Variants in IL6ST observed in about 807,000 individuals in gnomAD.
IL6ST encodes interleukin 6 cytokine family signal transducer, also known as interleukin-6 receptor subunit beta.
IL6ST carries 24 observed loss-of-function variants against 91.3 expected under a neutral mutation model. The observed-to-expected ratio is 0.26, with a 90% confidence interval of 0.19 to 0.37. The LOEUF is 0.37. Among genes scored for constraint, IL6ST ranks in the 10% least tolerant of loss-of-function variants. The pLI, the probability that IL6ST is intolerant of heterozygous loss-of-function variation, is 1.00. For synonymous variants in IL6ST, 351 were observed against 373.6 expected (o/e 0.94, Z 0.70); for missense variants, 914 against 1,078.5 (o/e 0.85, Z 2.14).
chr5:55,945,039 TCAA>T (rs1751156598), intron 15 of IL6ST, among the ~76,000 whole-genome samples: 1 of 67,814 alleles, frequency 1.5e-5, no homozygotes, highest in African/African-American at 1.1e-4. Context: ...AGGAATTAAA[TCAA>T]AAAAAAAAAA....
At position 55,972,679 on chromosome 5, in the gene IL6ST, A is replaced by G. The variant is rs192741163; in HGVS notation, c.65-2824T>C. 4.1e-3 allele frequency among the ~76,000 whole-genome samples: 622 copies of G among 152,228 alleles called. 4 individuals are homozygous for G. The highest frequency in any genetic ancestry group is 0.014 in the Middle Eastern group (4 of 294). ...TCTGATAAAGTTATTTTGAATGTTT[A>G]TAGGGCAAGATGAAGAAATGTGAAT... On this transcript the variant is annotated intron_variant, in intron 3 of 16. Transcript: ENST00000381298.
At chr5:55,943,971 G>A (rs544317366) in intron 15 of IL6ST, among the ~76,000 whole-genome samples, 1 of 152,194 alleles carries the variant, frequency 6.6e-6, no homozygotes, top group South Asian at 2.1e-4. Flanking sequence ...CCAGCTACTC[G>A]GGTGGCTGAG....
chr5:55,960,322 GAGGCTATATTATTAAAA>G, intron 8 of IL6ST, 63 bp downstream of exon 8: 1 of 1,048,898 alleles, frequency 9.5e-7, no homozygotes, highest in Non-Finnish European at 1.4e-6. Context: ...AAGAAGCAAT[GAGGCTATATTATTAAAA>G]CCAGAACCAG....
At chr5:55,970,418 G>A (rs1752894925) in intron 3 of IL6ST, among the ~76,000 whole-genome samples, 1 of 152,194 alleles carries the variant, frequency 6.6e-6, no homozygotes, top group African/African-American at 2.4e-5. Flanking sequence ...GGGTATGATG[G>A]TTTGCGTCTA....
In IL6ST at chr5:55,941,351, G is replaced by A; in HGVS notation, c.2488C>T (p.His830Tyr). 6.2e-7 allele frequency: 1 copy of A among 1,614,124 alleles called. No individual in the cohort carries two copies. The highest frequency in any genetic ancestry group is 8.5e-7 in the Non-Finnish European group (1 of 1,180,016). The change falls in exon 17 of 17, where the codon CAT becomes TAT. Residue 830 changes from histidine to tyrosine, a missense_variant. Transcript: ENST00000381298. Reference sequence around the variant, plus strand: ...GAAACTTGCTTTGACCTTTCAAAATGTGAAATATCTGGACTGGATTCATGC... The same window carrying A: ...GAAACTTGCTTTGACCTTTCAAAATATGAAATATCTGGACTGGATTCATGC... The part of the protein sequence containing the change: ...SQHESSPDIS[H>Y]FERSKQVSSV...
intron 1 of IL6ST, among the ~76,000 whole-genome samples, chr5:55,984,845 G>C (rs1439034768): frequency 6.6e-6 from 1 of 152,108 alleles, no homozygotes; most frequent in East Asian, 1.9e-4. Flanking sequence ...TCAGGTAAGG[G>C]ATACTGTAAC....
intron 6 of IL6ST, among the ~76,000 whole-genome samples, 199 bp from the exon 7 acceptor site, chr5:55,963,705 T>C (rs1434146342): frequency 1.3e-5 from 2 of 152,160 alleles, no homozygotes; most frequent in Non-Finnish European, 2.9e-5. Context: ...CAGTTCTCCT[T>C]GTTAATTTAC....
chr5:55,960,047 G>A (rs573726116), intron 8 of IL6ST, among the ~76,000 whole-genome samples: 4 of 151,926 alleles, frequency 2.6e-5, no homozygotes, highest in East Asian at 3.9e-4. Flanking sequence ...CACCACGCCC[G>A]GCTAATTTTT....
chr5:55,994,610 T>G (rs1377326648), intron 1 of IL6ST, among the ~76,000 whole-genome samples, 174 bp downstream of exon 1: 2 of 151,886 alleles, frequency 1.3e-5, no homozygotes, highest in Non-Finnish European at 2.9e-5. Context: ...GAAGTAGAAT[T>G]CGGAGGTCCG....
chr5:55,953,398 A>G (rs867066032), intron 11 of IL6ST, among the ~76,000 whole-genome samples: 2 of 151,918 alleles, frequency 1.3e-5, no homozygotes, highest in South Asian at 2.1e-4. Context: ...GCTAGCTTCT[A>G]TTTTTTTTGA....
At chr5:55,967,172 T>C (rs1752678040) in intron 5 of IL6ST, among the ~76,000 whole-genome samples, 1 of 151,306 alleles carries the variant, frequency 6.6e-6, no homozygotes, top group Non-Finnish European at 1.5e-5. Context: ...TAGCTGGGCA[T>C]GGTGGCACAT....
At position 55,941,108 on chromosome 5, in the gene IL6ST, G is replaced by A. The variant is rs1266664090; in HGVS notation, c.2731C>T (p.Arg911Trp). ...CACTGAGGCATGTAGCCGCCTTGCC[G>A]TACAGTCTGTGGTAAGTAACTTTTA... ...MPKSYLPQTV[R>W]QGGYMPQ Residue 911 changes from arginine (R) to tryptophan (W), a missense_variant, in exon 17 of 17, where the codon CGG becomes TGG. Coordinates refer to ENST00000381298, the MANE Select transcript of IL6ST (RefSeq NM_002184.4). The A allele has an allele frequency of 3.7e-6, 6 of 1,613,434 alleles. No individual in the cohort carries two copies. The highest frequency in any genetic ancestry group is 1.3e-5 in the African/African-American group (1 of 74,898).
At chr5:55,972,206 G>A (rs567337092) in intron 3 of IL6ST, among the ~76,000 whole-genome samples, 1 of 152,092 alleles carries the variant, frequency 6.6e-6, no homozygotes, top group Non-Finnish European at 1.5e-5. Flanking sequence ...CACAGAATAA[G>A]AGAAATATTA....
Position 55,963,406 on chromosome 5 carries a change from T to C in IL6ST, c.759A>G (p.Ile253Met). 1.2e-6 allele frequency: 2 copies of C among 1,603,430 alleles called. No individual in the cohort carries two copies. Among genetic ancestry groups the C allele is most frequent in the South Asian group, 2.2e-5 (2 of 90,508 alleles). The part of the protein sequence containing the change: ...TWTNPSIKSV[I>M]ILKYNIQYRT... ...TATATTGAATGTTATATTTTAGTATTATAACACTCTTAATACTTGGGTTGG... is the reference window on the plus strand; with the variant it reads ...TATATTGAATGTTATATTTTAGTATCATAACACTCTTAATACTTGGGTTGG... Residue 253 changes from isoleucine (I) to methionine (M), a missense_variant, in exon 7 of 17, where the codon ATA becomes ATG. Coordinates refer to ENST00000381298, the MANE Select transcript of IL6ST (RefSeq NM_002184.4).
chr5:55,959,579 T>C, intron 8 of IL6ST: 10 of 950,422 alleles, frequency 1.1e-5, no homozygotes, highest in South Asian at 2.8e-5. Context: ...TTTTATTCTA[T>C]ATCATATATA....
At chr5:55,948,024 T>C (rs925550795) in intron 14 of IL6ST, among the ~76,000 whole-genome samples, 11 of 152,140 alleles carry the variant, frequency 7.2e-5, no homozygotes, top group African/African-American at 2.7e-4. Context: ...GGAAAAGCTA[T>C]AAAAACATAA....
At chr5:55,951,885 A>G in intron 13 of IL6ST, 44 bp downstream of exon 13, 1 of 1,222,728 alleles carries the variant, frequency 8.2e-7, no homozygotes, top group Non-Finnish European at 1.2e-6. Flanking sequence ...TAAAAGCTTA[A>G]GGAAAAAATA....
In IL6ST at chr5:55,960,388, A is replaced by G. The variant is rs1417192557; in HGVS notation, c.973+14T>C. 1 of 1,599,802 alleles carries G rather than the reference A, an allele frequency of 6.3e-7. No homozygotes were observed. The highest frequency in any genetic ancestry group is 8.5e-7 in the Non-Finnish European group (1 of 1,172,072). ...TTCCAATAGCTTTACTTCTTCATAT[A>G]CTTATGTACTTACTATCTTCATAGG... On this transcript the variant is annotated intron_variant, in intron 8 of 16. Transcript: ENST00000381298.
chr5:55,969,076 T>C (rs1349132316), intron 4 of IL6ST, among the ~76,000 whole-genome samples: 1 of 151,568 alleles, frequency 6.6e-6, no homozygotes, highest in African/African-American at 2.4e-5. Context: ...ATGCCTGTAG[T>C]CCCAGCTACT....
Sources: gnomAD v4.1 joint callset for allele counts (sites outside exome capture counted in the v4.1 genomes callset) on GRCh38, gnomAD v4.1.1 for gene constraint, MANE v1.5 for transcripts, NCBI Gene and HGNC (gene_info 2026-07-23, HGNC 2026-07-21) for gene names.